KMT2E: variants seen among roughly 807,000 people sequenced by gnomAD.
KMT2E encodes histone reader KMT2E.
Under a neutral mutation model 184.6 loss-of-function variants are expected in KMT2E, and 30 were observed. The observed-to-expected ratio is 0.16, with a 90% CI of 0.12 to 0.22. The LOEUF is 0.22. Among genes scored for constraint, KMT2E ranks in the 10% least tolerant of loss-of-function variants. KMT2E has a pLI of 1.00. For synonymous variants in KMT2E, 815 were observed against 776.5 expected, an observed-to-expected ratio of 1.05 and a Z score of -0.82; for missense variants, 2,023 against 2,237.4, an observed-to-expected ratio of 0.90 and a Z score of 1.93.
Position 105,112,857 on chromosome 7 carries a change from C to G in KMT2E, c.5101C>G (p.Gln1701Glu). The change falls in exon 27 of 27, where the codon CAA (glutamine) becomes GAA (glutamate). Residue 1701 changes from glutamine (Q) to glutamate (E), a missense_variant. By Grantham distance (29) the Gln-to-Glu change is conservative. Around this residue, in one of 8 missense-constraint regions of KMT2E, gnomAD observed 1,108 missense variants for 1,050.9 expected, o/e 1.05. Transcript: ENST00000311117. ...HPPPHPSTGL[Q>E]GLQAQHQHVV... ...ACCACCCCATCCATCCACAGGACTC[C>G]AAGGTCTACAAGCACAACACCAGCA... The G allele has an allele frequency of 6.2e-7, 1 of 1,609,408 alleles. No individual in the cohort carries two copies. The highest frequency in any genetic ancestry group is 8.5e-7 in the Non-Finnish European group (1 of 1,178,708).
At position 105,112,757 on chromosome 7, in the gene KMT2E, T is replaced by C; in HGVS notation, c.5001T>C (p.His1667=). 6.2e-7 allele frequency: 1 copy of C among 1,613,044 alleles called. No individual in the cohort carries two copies. Residue 1667 remains histidine (H), a synonymous_variant, in exon 27 of 27, where the codon CAT becomes CAC. Transcript: ENST00000311117. ...TTCATGCGGTCACCCCTGGGTCGCA[T>C]ATTCATTCTCAAACTGCTGGACACC... ...GPVHAVTPGS[H]IHSQTAGHHL... is the part of the protein sequence containing the mutation.
rs748333500 is a variant in KMT2E, at chr7:105,112,518, C to A, written c.4762C>A (p.Gln1588Lys). 3 of 1,614,082 alleles carry A rather than the reference C, an allele frequency of 1.9e-6. No homozygotes were observed. In the South Asian group the frequency reaches 3.3e-5, roughly 18 times the overall value. ...AACTGTGTTTACATCAGGACCAAATCAAGCACTTCCTGGCACCACAAGCCA... is the reference window on the plus strand; with the variant it reads ...AACTGTGTTTACATCAGGACCAAATAAAGCACTTCCTGGCACCACAAGCCA... ...QQTVFTSGPN[Q>K]ALPGTTSQQT... The change falls in exon 27 of 27, where the codon CAA becomes AAA. Residue 1588 changes from glutamine to lysine, a missense_variant. Gln to Lys is a moderately conservative substitution (Grantham distance 53). Around this residue, in one of 8 missense-constraint regions of KMT2E, gnomAD observed 1,108 missense variants for 1,050.9 expected, o/e 1.05. Transcript: ENST00000311117.
At position 105,066,815 on chromosome 7, in the gene KMT2E, G is replaced by A. The variant is rs373509806; in HGVS notation, c.497+8G>A. 1.8e-4 allele frequency: 290 copies of A among 1,576,076 alleles called. No homozygotes were observed. Among genetic ancestry groups the A allele is most frequent in the Non-Finnish European group, 2.5e-4 (281 of 1,146,224 alleles). ...TGAACGTTGTCAGCCTAGGTAAGTT[G>A]CACATATCTGATAACATTGCCAGTA... On this transcript the variant is annotated splice_region_variant and intron_variant, in intron 6 of 26. Transcript: ENST00000311117.
intron 15 of KMT2E, among the ~76,000 whole-genome samples, chr7:105,097,730 ATCAG>A (rs2129569249): frequency 6.6e-6 from 1 of 152,280 alleles, no homozygotes; most frequent in African/African-American, 2.4e-5. Flanking sequence ...AATGAGGTTA[ATCAG>A]CTTTAACTGC....
chr7:105,111,434 C>T (rs1287795017), intron 26 of KMT2E, among the ~76,000 whole-genome samples: 3 of 151,766 alleles, frequency 2.0e-5, no homozygotes, highest in Admixed American at 2.0e-4. Flanking sequence ...AGTTCATTTA[C>T]CCAAATCAAT....
At chr7:105,073,700 AAATT>A (rs1192559582) in intron 7 of KMT2E, 23 bp downstream of exon 7, 1 of 1,470,414 alleles carries the variant, frequency 6.8e-7, no homozygotes, top group East Asian at 2.3e-5. Context: ...GACCTACACT[AAATT>A]AAAATTCGTG....
At chr7:105,109,704 G>A (rs1799100984) in intron 23 of KMT2E, among the ~76,000 whole-genome samples, 1 of 152,138 alleles carries the variant, frequency 6.6e-6, no homozygotes, top group African/African-American at 2.4e-5. Flanking sequence ...GTAACCTGAA[G>A]TGACATTCTC....
intron 1 of KMT2E, among the ~76,000 whole-genome samples, chr7:105,025,139 C>T (rs1795123029): frequency 6.6e-6 from 1 of 152,094 alleles, no homozygotes; most frequent in African/African-American, 2.4e-5. Flanking sequence ...ATTAAAAGGA[C>T]TCAAAACAGT....
chr7:105,043,416 T>G (rs1562887463), intron 3 of KMT2E, among the ~76,000 whole-genome samples: 1 of 151,586 alleles, frequency 6.6e-6, no homozygotes, highest in Non-Finnish European at 1.5e-5. Flanking sequence ...TTTTGTATTT[T>G]TAGTAGAGAC....
chr7:105,019,383 A>G (rs996764018), intron 1 of KMT2E, among the ~76,000 whole-genome samples: 2 of 152,134 alleles, frequency 1.3e-5, no homozygotes, highest in Non-Finnish European at 2.9e-5. Context: ...TTTTATTGTT[A>G]GGTGAATTTT....
intron 12 of KMT2E, among the ~76,000 whole-genome samples, chr7:105,081,476 G>T (rs971579786): frequency 5.3e-5 from 8 of 151,620 alleles, no homozygotes; most frequent in African/African-American, 1.2e-4. Flanking sequence ...GTGGGCTCTA[G>T]GGGTTGGGGT....
chr7:105,020,450 T>G (rs1414228678), intron 1 of KMT2E, among the ~76,000 whole-genome samples: 1 of 152,096 alleles, frequency 6.6e-6, no homozygotes, highest in Non-Finnish European at 1.5e-5. Context: ...CTGGGCTTGG[T>G]GGCGGGTGCC....
At chr7:105,091,474 C>T (rs868592757) in intron 15 of KMT2E, 160 bp downstream of exon 15, 16 of 638,370 alleles carry the variant, frequency 2.5e-5, no homozygotes, top group Middle Eastern at 5.0e-4. Context: ...TAAATAAATT[C>T]CATTAATCTT....
intron 13 of KMT2E, among the ~76,000 whole-genome samples, 176 bp from the exon 14 acceptor site, chr7:105,089,828 ATTATT>A (rs1488060314): frequency 6.6e-6 from 1 of 152,156 alleles, no homozygotes; most frequent in Non-Finnish European, 1.5e-5. Flanking sequence ...TAATTATTAT[ATTATT>A]TTAATGAAAA....
chr7:105,078,969 C>T lies in KMT2E; in HGVS notation c.1248+6C>T. On this transcript the variant is annotated splice_donor_region_variant and intron_variant, in intron 12 of 26. Transcript: ENST00000311117. ...CTTGTACACCCAATGCAGAGGTAAG[C>T]TTATAGAAATTTTTTGGGGAGATGT... 6.4e-7 allele frequency: 1 copy of T among 1,550,988 alleles called. No individual in the cohort carries two copies. Among genetic ancestry groups the T allele is most frequent in the Non-Finnish European group, 8.9e-7 (1 of 1,123,570 alleles).
chr7:105,075,118 T>C (rs1357825279), intron 8 of KMT2E, among the ~76,000 whole-genome samples: 1 of 152,050 alleles, frequency 6.6e-6, no homozygotes, highest in Non-Finnish European at 1.5e-5. Flanking sequence ...TTGTATTCCT[T>C]TCACTTGTCT....
intron 12 of KMT2E, 119 bp downstream of exon 12, chr7:105,079,082 A>G (rs958659096): frequency 1.7e-6 from 1 of 577,380 alleles, no homozygotes; most frequent in African/African-American, 1.9e-5. Context: ...GGTGCATTTT[A>G]TACTGCCCAG....
intron 5 of KMT2E, among the ~76,000 whole-genome samples, chr7:105,064,301 A>G (rs945699624): frequency 1.3e-5 from 2 of 150,270 alleles, no homozygotes; most frequent in African/African-American, 4.9e-5. Context: ...GTACTTACGC[A>G]GTGCATTGTA....
chr7:105,098,217 C>T (rs1798499268), intron 15 of KMT2E, among the ~76,000 whole-genome samples: 1 of 148,304 alleles, frequency 6.7e-6, no homozygotes, highest in South Asian at 2.1e-4. Context: ...TAGGTGGGCT[C>T]TGGCTTTCCT....
Sources: allele counts gnomAD v4.1 joint callset (sites outside exome capture counted in the v4.1 genomes callset), GRCh38; gene constraint gnomAD v4.1.1; regional missense constraint gnomAD v4.1.1; transcripts MANE v1.5; gene names NCBI Gene and HGNC (gene_info 2026-07-23, HGNC 2026-07-21).